The following SLC26A7 variants were observed in gnomAD, a reference collection of about 807,000 sequenced individuals.
SLC26A7 encodes the protein solute carrier family 26 member 7.
In SLC26A7, 59 loss-of-function variants were observed where a neutral mutation model predicts 82.5. That is an observed-to-expected ratio of 0.72 (90% CI 0.58 to 0.89). The LOEUF is 0.89. Among genes scored for constraint, SLC26A7 ranks in the 40% least tolerant of loss-of-function variants. The pLI, the probability that SLC26A7 is intolerant of heterozygous loss-of-function variation, is 0.00. For missense variants in SLC26A7, 820 were observed against 793.0 expected, an observed-to-expected ratio of 1.03 and a Z score of -0.41; for synonymous variants, 271 against 274.3, an observed-to-expected ratio of 0.99 and a Z score of 0.12.
chr8:91,235,580 G>A (rs1478460965), intron 2 of SLC26A7, among the ~76,000 whole-genome samples: 1 of 152,096 alleles, frequency 6.6e-6, no homozygotes, highest in Non-Finnish European at 1.5e-5. Context: ...CAAAATGTCT[G>A]GGAGCCACAG....
intron 1 of SLC26A7, among the ~76,000 whole-genome samples, chr8:91,213,887 CATT>C (rs1809984323): frequency 6.6e-6 from 1 of 151,992 alleles, no homozygotes; most frequent in Non-Finnish European, 1.5e-5. Flanking sequence ...CAGGAGGAGA[CATT>C]ATTAAAAAGT....
intron 11 of SLC26A7, 62 bp downstream of exon 11, chr8:91,353,058 C>A: frequency 1.9e-6 from 2 of 1,066,132 alleles, no homozygotes; most frequent in Non-Finnish European, 2.8e-6. Flanking sequence ...ACCAAATATG[C>A]ACTAATACTT....
chr8:91,310,424 G>A (rs555418801), intron 4 of SLC26A7, among the ~76,000 whole-genome samples: 16 of 152,268 alleles, frequency 1.1e-4, no homozygotes, highest in Non-Finnish European at 2.2e-4. Flanking sequence ...CTGATGGGCA[G>A]TTTATGGGTC....
At chr8:91,314,765 T>C (rs6981751) in intron 4 of SLC26A7, among the ~76,000 whole-genome samples, 2 of 152,212 alleles carry the variant, frequency 1.3e-5, no homozygotes, top group South Asian at 2.1e-4. Flanking sequence ...TTTAAAAGTA[T>C]AATAATGTAT....
In SLC26A7 at chr8:91,345,990, C is replaced by T. The variant is rs945287255; in HGVS notation, c.1140+2524C>T. 5.9e-5 allele frequency among the ~76,000 whole-genome samples: 9 copies of T among 152,232 alleles called. No homozygotes were observed. The South Asian group carries it at 8.3e-4, about 14-fold the overall frequency. The stretch of plus-strand genomic sequence containing the variant: ...GGGATAAAGCAGCGCCCCTTCTCTT[C>T]TCTGTTCTGGAGGCCACACATTTGA... On this transcript the variant is annotated intron_variant, in intron 9 of 18. Coordinates refer to ENST00000276609, the MANE Select transcript of SLC26A7 (RefSeq NM_052832.4).
rs1319690402 is a variant in SLC26A7, at chr8:91,318,109, T to C, written c.478-107T>C. On this transcript the variant is annotated intron_variant, in intron 4 of 18. Transcript: ENST00000276609. Reference sequence around the variant, plus strand: ...TAACAAACTTGTTACATGTCAGTTCTCTATGATTCTATCAAATGAAAATGA... The same window carrying C: ...TAACAAACTTGTTACATGTCAGTTCCCTATGATTCTATCAAATGAAAATGA... 30 of 953,002 alleles carry C rather than the reference T, an allele frequency of 3.1e-5. 1 individual carries two copies. The highest frequency in any genetic ancestry group is 4.5e-5 in the Non-Finnish European group (29 of 641,704). 59.0% of individuals were successfully genotyped at this position (953,002 alleles called of 1,614,324 possible).
chr8:91,247,064 A>T (rs1810553859), upstream of SLC26A7, among the ~76,000 whole-genome samples: 1 of 152,210 alleles, frequency 6.6e-6, no homozygotes, highest in Non-Finnish European at 1.5e-5. Context: ...TAGTGAGTAG[A>T]AGGTGGGAAG....
chr8:91,303,261 G>T (rs1321628912), intron 4 of SLC26A7, among the ~76,000 whole-genome samples: 2 of 152,128 alleles, frequency 1.3e-5, no homozygotes, highest in Non-Finnish European at 2.9e-5. Flanking sequence ...AAAAACCATT[G>T]TTATCTTCTC....
At chr8:91,355,809 G>A (rs149744562) in intron 11 of SLC26A7, among the ~76,000 whole-genome samples, 4,415 of 152,092 alleles carry the variant, frequency 0.029, 65 homozygotes, top group Non-Finnish European at 0.035. Flanking sequence ...CATGTGCCAT[G>A]TTGGTGTGCT....
chr8:91,376,441 A>T (rs761517837), intron 15 of SLC26A7, among the ~76,000 whole-genome samples: 5 of 152,070 alleles, frequency 3.3e-5, no homozygotes, highest in Non-Finnish European at 4.4e-5. Context: ...TATGTGTTTT[A>T]CAATCTTTTG....
At chr8:91,340,210 C>T (rs1813363536) in intron 7 of SLC26A7, among the ~76,000 whole-genome samples, 194 bp from the exon 8 acceptor site, 1 of 152,112 alleles carries the variant, frequency 6.6e-6, no homozygotes, top group Admixed American at 6.5e-5. Flanking sequence ...CTGTGGTGTT[C>T]CTTGTAATTT....
chr8:91,243,454 G>C (rs1030271427), intron 2 of SLC26A7, among the ~76,000 whole-genome samples: 3 of 152,150 alleles, frequency 2.0e-5, no homozygotes, highest in African/African-American at 7.2e-5. Context: ...AAGAGTGGGG[G>C]TGGAGGATAA....
intron 4 of SLC26A7, among the ~76,000 whole-genome samples, chr8:91,312,343 T>C (rs1424829862): frequency 6.6e-6 from 1 of 152,190 alleles, no homozygotes; most frequent in African/African-American, 2.4e-5. Context: ...ATTTTGTTTA[T>C]CCATTCATCC....
intron 15 of SLC26A7, 97 bp downstream of exon 15, chr8:91,369,930 C>G (rs1184754221): frequency 2.2e-6 from 2 of 914,986 alleles, no homozygotes; most frequent in East Asian, 5.4e-5. Context: ...CATCTGCCTC[C>G]CTCTTCTGTT....
At chr8:91,241,701 A>G (rs1427039608) in intron 2 of SLC26A7, among the ~76,000 whole-genome samples, 1 of 152,126 alleles carries the variant, frequency 6.6e-6, no homozygotes, top group African/African-American at 2.4e-5. Flanking sequence ...TGGACACAAT[A>G]ATTGTCTTGA....
intron 4 of SLC26A7, among the ~76,000 whole-genome samples, chr8:91,306,449 G>T (rs547784429): frequency 6.6e-6 from 1 of 152,262 alleles, no homozygotes; most frequent in South Asian, 2.1e-4. Flanking sequence ...ACACACTTTG[G>T]TGAGAAATTT....
At chr8:91,293,590 G>T (rs1811934989) in intron 3 of SLC26A7, among the ~76,000 whole-genome samples, 1 of 152,200 alleles carries the variant, frequency 6.6e-6, no homozygotes, top group Non-Finnish European at 1.5e-5. Flanking sequence ...CTTGAAATAT[G>T]ACTCACACGC....
Position 91,318,370 on chromosome 8 carries a change from G to T in SLC26A7, c.632G>T (p.Gly211Val), listed in dbSNP as rs970233650. Residue 211 changes from glycine to valine, a missense_variant, in exon 5 of 19, where the codon GGA (glycine) becomes GTA (valine). Transcript: ENST00000276609. ...ATGCCATATATATCCGGACCACTTGGATTCTTTTATGTGAGTTTTTCGTAT... is the reference window on the plus strand; with the variant it reads ...ATGCCATATATATCCGGACCACTTGTATTCTTTTATGTGAGTTTTTCGTAT... ...MKMPYISGPL[G>V]FFYIYAYVFE... 3 of 1,602,096 alleles carry T rather than the reference G, an allele frequency of 1.9e-6. No homozygotes were observed. The highest frequency in any genetic ancestry group is 1.1e-5 in the South Asian group (1 of 89,442).
chr8:91,277,666 A>T (rs997408490), intron 2 of SLC26A7, among the ~76,000 whole-genome samples: 1 of 152,184 alleles, frequency 6.6e-6, no homozygotes, highest in African/African-American at 2.4e-5. Context: ...TGCAATTCAA[A>T]TATTTATGTT....
Sources: gnomAD v4.1 joint callset for allele counts (sites outside exome capture counted in the v4.1 genomes callset) on GRCh38, gnomAD v4.1.1 for gene constraint, MANE v1.5 for transcripts, NCBI Gene and HGNC (gene_info 2026-07-23, HGNC 2026-07-21) for gene names.